Variants in RASAL1 observed in about 807,000 individuals in gnomAD.
The protein encoded by RASAL1 is RAS protein activator like 1, also known as rasGAP-activating-like protein 1.
A neutral mutation model predicts 96.6 loss-of-function variants in RASAL1; 72 were observed. The ratio of observed to expected loss-of-function variants is 0.75; its 90% CI spans 0.62 to 0.91. RASAL1 has a LOEUF of 0.91. Ranked by LOEUF, RASAL1 falls within the 40% of genes least tolerant of loss-of-function variation. The pLI is 0.00. For synonymous variants in RASAL1, 405 were observed against 430.4 expected, an observed-to-expected ratio of 0.94 and a Z score of 0.73; for missense variants, 1,016 against 1,072.5, an observed-to-expected ratio of 0.95 and a Z score of 0.74.
At chr12:113,119,048 G>A (rs979722007) in intron 7 of RASAL1, 80 bp downstream of exon 7, 14 of 1,478,070 alleles carry the variant, frequency 9.5e-6, no homozygotes, top group Non-Finnish European at 1.3e-5. Context: ...TGAGAGCCAG[G>A]AGGCTCAGCC....
Position 113,109,498 on chromosome 12 carries a change from T to C in RASAL1, c.1375-1276A>G, listed in dbSNP as rs1239576935. 2.6e-5 allele frequency among the ~76,000 whole-genome samples: 4 copies of C among 152,206 alleles called. No homozygotes were observed. In the East Asian group the frequency reaches 5.8e-4, roughly 22 times the overall value. On this transcript the variant is annotated intron_variant, in intron 13 of 20. Transcript: ENST00000548055. ...CTGGCCCATCTAAAGGTAACGCTGGTTCCCCAGCACCAGCAGAGGTGACTC... is the reference window on the plus strand; with the variant it reads ...CTGGCCCATCTAAAGGTAACGCTGGCTCCCCAGCACCAGCAGAGGTGACTC...
intron 4 of RASAL1, among the ~76,000 whole-genome samples, chr12:113,123,926 A>G (rs116905766): frequency 0.013 from 2,044 of 152,172 alleles, 37 homozygotes; most frequent in South Asian, 0.064. Flanking sequence ...TTCCCGTTCT[A>G]TAAAGAAGTT....
intron 4 of RASAL1, among the ~76,000 whole-genome samples, chr12:113,122,225 C>T (rs777096589): frequency 6.6e-6 from 1 of 152,224 alleles, no homozygotes; most frequent in Non-Finnish European, 1.5e-5. Context: ...TGCCATCACA[C>T]ACTTCCCCCT....
In RASAL1 at chr12:113,129,607, A is replaced by G. The variant is rs918904668; in HGVS notation, c.122+1278T>C. Among the ~76,000 whole-genome samples, 2 of 152,202 alleles carry G rather than the reference A, an allele frequency of 1.3e-5. No individual in the cohort carries two copies. The highest frequency in any genetic ancestry group is 2.9e-5 in the Non-Finnish European group (2 of 68,022). On this transcript the variant is annotated intron_variant, in intron 2 of 20. Coordinates refer to ENST00000548055, the MANE Select transcript of RASAL1 (RefSeq NM_001301202.2). This position sits in a 1 kb window ranked among gnomAD's most constrained non-coding sequence, Gnocchi z 5.0. ...AGAGAACAGATTCTACTTGCCCGGT[A>G]AAGACACACCCACATTTGTGGATGC... is the stretch of plus-strand genomic sequence containing the variant.
In RASAL1 at chr12:113,115,997, C is replaced by T. The variant is rs1208893830; in HGVS notation, c.786G>A (p.Leu262=). The T allele has an allele frequency of 1.9e-6, 3 of 1,610,394 alleles. No homozygotes were observed. Among genetic ancestry groups the T allele is most frequent in the Admixed American group, 1.7e-5 (1 of 59,660 alleles). The change falls in exon 9 of 21, where the codon CTG becomes CTA. Residue 262 remains leucine, a synonymous_variant. Coordinates refer to ENST00000548055, the MANE Select transcript of RASAL1 (RefSeq NM_001301202.2). The surrounding 1 kb of genome is among the most constrained non-coding windows in gnomAD (Gnocchi z 4.1). ...TGAGAGGCTGGTAGCACTGGGAGGG[C>T]AGGACGCGGTCCTCAATCAGGCGTA... ...VKVRLIEDRV[L]PSQCYQPLME...
Position 113,104,309 on chromosome 12 carries a change from G to C in RASAL1, c.1831-11C>G. ...GATGGAGTGACACATCTGGGGAAGA[G>C]GATTGTCGCTGCAGGATGGGCTGGG... On this transcript the variant is annotated splice_polypyrimidine_tract_variant and intron_variant, in intron 16 of 20. Transcript: ENST00000548055. 6.4e-7 allele frequency: 1 copy of C among 1,553,604 alleles called. No individual in the cohort carries two copies. Among genetic ancestry groups the C allele is most frequent in the Non-Finnish European group, 8.7e-7 (1 of 1,147,178 alleles).
chr12:113,133,148 G>T (rs573618107), intron 1 of RASAL1, among the ~76,000 whole-genome samples: 73 of 152,336 alleles, frequency 4.8e-4, no homozygotes, highest in Middle Eastern at 3.4e-3. Context: ...GCCCTCCTGG[G>T]AGCCGAGCTC....
chr12:113,133,409 C>A (rs1443394734), intron 1 of RASAL1, among the ~76,000 whole-genome samples: 1 of 152,130 alleles, frequency 6.6e-6, no homozygotes, highest in African/African-American at 2.4e-5. Flanking sequence ...CAAGTGACTG[C>A]CTCTCTGGTC....
intron 7 of RASAL1, among the ~76,000 whole-genome samples, chr12:113,118,508 TG>T (rs1181948477): frequency 6.6e-6 from 1 of 152,214 alleles, no homozygotes; most frequent in East Asian, 1.9e-4. Flanking sequence ...TTCATTTCTT[TG>T]GGGTATGTAC....
intron 14 of RASAL1, among the ~76,000 whole-genome samples, chr12:113,107,845 C>T (rs1474690234): frequency 6.6e-6 from 1 of 152,186 alleles, no homozygotes; most frequent in Non-Finnish European, 1.5e-5. Context: ...GGTGTGAATG[C>T]CTGCTAGCCT....
At chr12:113,125,016 C>A (rs1379569646) in intron 4 of RASAL1, among the ~76,000 whole-genome samples, 1 of 151,634 alleles carries the variant, frequency 6.6e-6, no homozygotes, top group Non-Finnish European at 1.5e-5. Flanking sequence ...AATCCCGGCA[C>A]CTTGTGGGGC....
chr12:113,115,523 G>A lies in RASAL1; in HGVS notation c.1003+112C>T. The A allele has an allele frequency of 1.4e-6, 2 of 1,400,008 alleles. No individual in the cohort carries two copies. The highest frequency in any genetic ancestry group is 1.4e-5 in the African/African-American group (1 of 69,698). 86.7% of individuals were successfully genotyped at this position (1,400,008 alleles called of 1,614,324 possible). On this transcript the variant is annotated intron_variant, in intron 10 of 20. Transcript: ENST00000548055. This position sits in a 1 kb window ranked among gnomAD's most constrained non-coding sequence, Gnocchi z 4.1. ...GAGGTGCACAGCACAGGGACCCACA[G>A]AAAAAGGAGCCCTTTTTCCCTCTGC...
chr12:113,109,565 C>G (rs557595817), intron 13 of RASAL1, among the ~76,000 whole-genome samples: 16 of 152,298 alleles, frequency 1.1e-4, no homozygotes, highest in Admixed American at 9.1e-4. Flanking sequence ...CTTGCTCCCC[C>G]CAAACCAGCT....
intron 19 of RASAL1, among the ~76,000 whole-genome samples, chr12:113,101,551 C>T (rs1387984988): frequency 6.6e-6 from 1 of 152,198 alleles, no homozygotes; most frequent in Non-Finnish European, 1.5e-5. Context: ...CACCAAATAA[C>T]AGTGATAGTG....
chr12:113,130,832 G>A lies in RASAL1; in HGVS notation c.122+53C>T, dbSNP rs1468067945. 1 of 1,468,192 alleles carries A rather than the reference G, an allele frequency of 6.8e-7. No homozygotes were observed. The highest frequency in any genetic ancestry group is 9.5e-7 in the Non-Finnish European group (1 of 1,056,860). The allele number at this position is 1,468,192 out of a possible 1,614,324, so 90.9% of individuals were successfully genotyped here. A position where few individuals can be genotyped will look rare whatever the true frequency, so the allele number is the denominator to read the frequency against. ...GAATTCTTGGTCCCAGATTCCCCAGGTCTAGAAAGAGACCCCTCCCTTCCT... is the reference window on the plus strand; with the variant it reads ...GAATTCTTGGTCCCAGATTCCCCAGATCTAGAAAGAGACCCCTCCCTTCCT... On this transcript the variant is annotated intron_variant, in intron 2 of 20. Coordinates refer to ENST00000548055, the MANE Select transcript of RASAL1 (RefSeq NM_001301202.2). The surrounding 1 kb of genome is among the most constrained non-coding windows in gnomAD (Gnocchi z 5.1).
chr12:113,119,561 G>A (rs1951213049), intron 5 of RASAL1, 118 bp from the exon 6 acceptor site: 2 of 1,003,488 alleles, frequency 2.0e-6, no homozygotes, highest in Non-Finnish European at 3.0e-6. Flanking sequence ...ACTGTTCCAT[G>A]TAGGGGTCCA....
Position 113,106,646 on chromosome 12 carries a change from C to A in RASAL1, c.1657+451G>T, listed in dbSNP as rs968927068. On this transcript the variant is annotated intron_variant, in intron 15 of 20. Transcript: ENST00000548055. ...TTTCCCTTTCAGATCTCTGTTCTTTCCTCCTTTTTTTTTTCCTTCTTAGCA... is the reference window on the plus strand; with the variant it reads ...TTTCCCTTTCAGATCTCTGTTCTTTACTCCTTTTTTTTTTCCTTCTTAGCA... Among the ~76,000 whole-genome samples, 14 of 149,912 alleles carry A rather than the reference C, an allele frequency of 9.3e-5. No individual in the cohort carries two copies. In the East Asian group the frequency reaches 2.3e-3, roughly 25 times the overall value.
At chr12:113,116,226 C>T (rs551137566) in intron 8 of RASAL1, among the ~76,000 whole-genome samples, 175 bp from the exon 9 acceptor site, 4 of 152,134 alleles carry the variant, frequency 2.6e-5, no homozygotes, top group South Asian at 4.2e-4. Flanking sequence ...AAAAATTAGC[C>T]GGGCGTGATG....
intron 18 of RASAL1, among the ~76,000 whole-genome samples, chr12:113,102,708 A>T (rs1950494259): frequency 6.6e-6 from 1 of 151,750 alleles, no homozygotes; most frequent in African/African-American, 2.4e-5. Flanking sequence ...GGCAACAGAG[A>T]CTCTGTCTCA....
Sources: allele counts gnomAD v4.1 joint callset (sites outside exome capture counted in the v4.1 genomes callset), GRCh38; gene constraint gnomAD v4.1.1; non-coding constraint Gnocchi (gnomAD v3.1); transcripts MANE v1.5; gene names NCBI Gene and HGNC (gene_info 2026-07-23, HGNC 2026-07-21).